The following GCNT2 variants were observed in gnomAD, a reference collection of about 807,000 sequenced individuals.
The protein encoded by GCNT2 is N-acetyllactosaminide beta-1,6-N-acetylglucosaminyl-transferase.
Under a neutral mutation model 34.2 loss-of-function variants are expected in GCNT2, and 34 were observed. The ratio of observed to expected loss-of-function variants is 1.00; its 90% CI spans 0.76 to 1.32. GCNT2 has a LOEUF of 1.32. GCNT2 is among the 40% of genes most tolerant of loss of function. The pLI is 0.00. For missense variants in GCNT2, 584 were observed against 489.4 expected (o/e 1.19, Z -1.82); for synonymous variants, 212 against 188.0 (o/e 1.13, Z -1.04).
At position 10,529,070 on chromosome 6, in the gene GCNT2, T is replaced by A; in HGVS notation, c.159T>A (p.Phe53Leu). The A allele has an allele frequency of 6.2e-7, 1 of 1,614,172 alleles. No individual in the cohort carries two copies. ...SLLAEACHQI[F>L]EGKVFYPTEN... ...TAGCAGAAGCCTGTCATCAGATTTT[T>A]GAGGGGAAAGTTTTTTACCCAACAG... Residue 53 changes from phenylalanine (F) to leucine (L), a missense_variant, in exon 3 of 5, where the codon TTT becomes TTA. Transcript: ENST00000495262.
At chr6:10,579,826 C>CAAAAAAAAAAAAAAAAA (rs61490868) in intron 3 of GCNT2, among the ~76,000 whole-genome samples, 7 of 89,874 alleles carry the variant, frequency 7.8e-5, no homozygotes, top group Admixed American at 1.3e-4. Flanking sequence ...AAAAAACAAA[C>CAAAAAAAAAAAAAAAAA]AAAAAAAAAA....
chr6:10,564,231 G>C (rs1763176905), intron 3 of GCNT2, among the ~76,000 whole-genome samples: 1 of 152,166 alleles, frequency 6.6e-6, no homozygotes, highest in Admixed American at 6.5e-5. Context: ...CAAATATGAA[G>C]ACGGGACCAG....
At chr6:10,566,883 C>T (rs78972384) in intron 3 of GCNT2, among the ~76,000 whole-genome samples, 2,726 of 152,300 alleles carry the variant, frequency 0.018, 93 homozygotes, top group African/African-American at 0.061. Context: ...CAGAGTAAGC[C>T]AAGGAGTCTG....
chr6:10,557,025 T>G (rs572831032), intron 3 of GCNT2: 1 of 1,613,366 alleles, frequency 6.2e-7, no homozygotes, highest in African/African-American at 1.3e-5. Flanking sequence ...AACAAGGAAA[T>G]AGTTCAGTAT....
rs16893370 is a variant in GCNT2, at chr6:10,576,479, C to T, written c.926-44872C>T. Among the ~76,000 whole-genome samples, 308 of 152,056 alleles carry T rather than the reference C, an allele frequency of 2.0e-3. 14 individuals are homozygous for T. The East Asian group carries it at 0.052, about 25-fold the overall frequency. ...ACAGTTTGGTCGTAATCGTGAGTTT[C>T]CTAGATAATTGAAGCCTTCCCTTTT... On this transcript the variant is annotated intron_variant, in intron 3 of 4. Transcript: ENST00000495262.
chr6:10,559,786 G>A (rs1762891020), intron 3 of GCNT2, among the ~76,000 whole-genome samples: 1 of 152,226 alleles, frequency 6.6e-6, no homozygotes, highest in Non-Finnish European at 1.5e-5. Context: ...TGCCTTTCAG[G>A]ATAACGTGCC....
chr6:10,590,033 A>G (rs1047119997), intron 3 of GCNT2, among the ~76,000 whole-genome samples: 2 of 152,196 alleles, frequency 1.3e-5, no homozygotes, highest in East Asian at 3.9e-4. Context: ...GAAGTGCAGA[A>G]CTCTTGCTGA....
At chr6:10,615,677 GTA>G (rs1437948586) in intron 3 of GCNT2, among the ~76,000 whole-genome samples, 1 of 152,140 alleles carries the variant, frequency 6.6e-6, no homozygotes, top group African/African-American at 2.4e-5. Flanking sequence ...TATTAAGAAA[GTA>G]AAGGAATAAA....
intron 3 of GCNT2, among the ~76,000 whole-genome samples, chr6:10,562,656 G>GAAAAAAAAAAAA (rs57868433): frequency 1.1e-3 from 88 of 77,366 alleles, no homozygotes; most frequent in African/African-American, 1.4e-3. Context: ...GAACTTCTCT[G>GAAAAAAAAAAAA]AAAAAAAAAA....
intron 3 of GCNT2, among the ~76,000 whole-genome samples, chr6:10,532,110 G>C (rs1272823308): frequency 6.6e-6 from 1 of 152,100 alleles, no homozygotes; most frequent in African/African-American, 2.4e-5. Flanking sequence ...AAAGCCAAGG[G>C]AAGCAGGGCT....
chr6:10,586,674 A>G (rs150468994), intron 3 of GCNT2: 1 of 1,614,084 alleles, frequency 6.2e-7, no homozygotes, highest in African/African-American at 1.3e-5. Context: ...AATTAAGCGA[A>G]CTAAATATGT....
chr6:10,539,971 G>A (rs1212527015), intron 3 of GCNT2, among the ~76,000 whole-genome samples: 2 of 152,148 alleles, frequency 1.3e-5, no homozygotes, highest in Non-Finnish European at 2.9e-5. Context: ...CCAGCTACTT[G>A]GGAGGCTGAA....
intron 4 of GCNT2, among the ~76,000 whole-genome samples, chr6:10,623,717 G>A (rs974605284): frequency 1.3e-5 from 2 of 152,110 alleles, no homozygotes; most frequent in Non-Finnish European, 2.9e-5. Flanking sequence ...TTATTTTACT[G>A]TCTTTCTTCC....
chr6:10,529,211 A>G lies in GCNT2; in HGVS notation c.300A>G (p.Thr100=), dbSNP rs200691635. The G allele has an allele frequency of 1.6e-5, 26 of 1,614,122 alleles. No homozygotes were observed. Among genetic ancestry groups the G allele is most frequent in the East Asian group, 2.2e-5 (1 of 44,904 alleles). ...EEEAGFPLAY[T]VTIHKDFGTF... is the part of the protein sequence containing the mutation. ...AGGCTGGGTTCCCTTTAGCTTACAC[A>G]GTGACCATCCACAAAGACTTCGGCA... Residue 100 remains threonine (T), a synonymous_variant, in exon 3 of 5, where the codon ACA becomes ACG. Coordinates refer to ENST00000495262, the MANE Select transcript of GCNT2 (RefSeq NM_145649.5).
In GCNT2 at chr6:10,626,615, A is replaced by C. The variant is rs570474108; in HGVS notation, c.*8A>C. 6.2e-7 allele frequency: 1 copy of C among 1,605,854 alleles called. No individual in the cohort carries two copies. Among genetic ancestry groups the C allele is most frequent in the East Asian group, 2.2e-5 (1 of 44,824 alleles). On this transcript the variant is annotated 3_prime_UTR_variant, in exon 5 of 5. Coordinates refer to ENST00000495262, the MANE Select transcript of GCNT2 (RefSeq NM_145649.5). Reference sequence around the variant, plus strand: ...CCCAGCTGGTATTTTTGAGCTATTCATGAGCTACTCATGACTGAAGGGAAA... The same window carrying C: ...CCCAGCTGGTATTTTTGAGCTATTCCTGAGCTACTCATGACTGAAGGGAAA...
At chr6:10,617,538 C>T (rs1042781410) in intron 3 of GCNT2, among the ~76,000 whole-genome samples, 1 of 152,180 alleles carries the variant, frequency 6.6e-6, no homozygotes, top group Non-Finnish European at 1.5e-5. Flanking sequence ...GTGCCGAGAG[C>T]GAGCGAGGGC....
At chr6:10,539,490 C>T (rs1016524616) in intron 3 of GCNT2, among the ~76,000 whole-genome samples, 5 of 152,040 alleles carry the variant, frequency 3.3e-5, no homozygotes, top group East Asian at 1.9e-4. Context: ...CGCCCGGCCC[C>T]GCCATCTCTT....
intron 3 of GCNT2, chr6:10,556,536 T>C (rs1275831228): frequency 6.2e-7 from 1 of 1,614,012 alleles, no homozygotes; most frequent in South Asian, 1.1e-5. Flanking sequence ...AGGCTAAATA[T>C]CTCAGACCCT....
At chr6:10,615,380 T>A (rs1426190226) in intron 3 of GCNT2, among the ~76,000 whole-genome samples, 1 of 152,116 alleles carries the variant, frequency 6.6e-6, no homozygotes, top group Non-Finnish European at 1.5e-5. Flanking sequence ...AGTGGCCTGA[T>A]TTTGGCTCAC....
Sources: gnomAD v4.1 joint callset for allele counts (sites outside exome capture counted in the v4.1 genomes callset) on GRCh38, gnomAD v4.1.1 for gene constraint, MANE v1.5 for transcripts, NCBI Gene and HGNC (gene_info 2026-07-23, HGNC 2026-07-21) for gene names.